DCPS: variants seen among roughly 807,000 people sequenced by gnomAD.
DCPS encodes the protein decapping enzyme, scavenger, also known as m7GpppX diphosphatase.
DCPS carries 27 observed loss-of-function variants against 34.7 expected under a neutral mutation model. That is an observed-to-expected ratio of 0.78 (90% CI 0.57 to 1.07). The LOEUF is 1.07. Among genes scored for constraint, DCPS ranks in the 50% least tolerant of loss-of-function variants. The pLI is 0.00. For synonymous variants in DCPS, 185 were observed against 185.7 expected, an observed-to-expected ratio of 1.00 and a Z score of 0.03; for missense variants, 464 against 436.9, an observed-to-expected ratio of 1.06 and a Z score of -0.55.
rs1217818665 is a variant in DCPS, at chr11:126,337,627, A to T, written c.523-659A>T. The T allele has an allele frequency of 6.5e-6, 1 of 152,998 alleles. No homozygotes were observed. Among genetic ancestry groups the T allele is most frequent in the South Asian group, 2.1e-4 (1 of 4,874 alleles). 9.5% of individuals were successfully genotyped at this position (152,998 alleles called of 1,614,324 possible). A position where few individuals can be genotyped will look rare whatever the true frequency, so the allele number is the denominator to read the frequency against. ...GAGGTCACTGTCTCTGTGTCTCTAC[A>T]TAGCTTTCGTTTCTGCTTTGCCATG... On this transcript the variant is annotated intron_variant, in intron 3 of 5. Transcript: ENST00000263579. The surrounding 1 kb of genome is among the most constrained non-coding windows in gnomAD (Gnocchi z 5.3).
Position 126,323,538 on chromosome 11 carries a change from T to C in DCPS, c.377-7867T>C, listed in dbSNP as rs1360176492. 8.6e-6 allele frequency among the ~76,000 whole-genome samples: 1 copy of C among 116,068 alleles called. No homozygotes were observed. The highest frequency in any genetic ancestry group is 1.1e-4 in the Admixed American group (1 of 9,508). The allele number at this position is 116,068 out of a possible 152,430, so 76.1% of individuals were successfully genotyped here. ...ATGTATTAAAGTTGCATTTCTTTCT[T>C]TTCTTTTTTTTTTTTGAGACAGGGT... On this transcript the variant is annotated intron_variant, in intron 2 of 5. Coordinates refer to ENST00000263579, the MANE Select transcript of DCPS (RefSeq NM_014026.6). This position sits in a 1 kb window ranked among gnomAD's most constrained non-coding sequence, Gnocchi z 4.4.
In DCPS at chr11:126,327,090, T is replaced by C. The variant is rs1454106031; in HGVS notation, c.377-4315T>C. Among the ~76,000 whole-genome samples, 1 of 152,216 alleles carries C rather than the reference T, an allele frequency of 6.6e-6. No homozygotes were observed. The highest frequency in any genetic ancestry group is 2.4e-5 in the African/African-American group (1 of 41,460). On this transcript the variant is annotated intron_variant, in intron 2 of 5. Transcript: ENST00000263579. This position sits in a 1 kb window ranked among gnomAD's most constrained non-coding sequence, Gnocchi z 4.1. ...CCATTCGTATGAGACTTCTGTGACA[T>C]ACAGTCCATAGTTAAGTTGTGCCAG...
At position 126,304,224 on chromosome 11, in the gene DCPS, AC is replaced by A. The variant is rs1338928025; in HGVS notation, c.145del (p.Leu49CysfsTer5). 17 of 1,614,114 alleles carry A rather than the reference AC, an allele frequency of 1.1e-5. No individual in the cohort carries two copies. The highest frequency in any genetic ancestry group is 1.4e-5 in the Non-Finnish European group (17 of 1,180,046). On this transcript the variant is annotated frameshift_variant, in exon 1 of 6. Transcript: ENST00000263579. LOFTEE classifies it high-confidence loss of function. ...PVRLPFSGFR[L>X]QKVLRESARD... ...TCCGCTTACCGTTCTCCGGCTTCAG[AC>A]TGCAGAAGGTGCTGAGGGAGTCTGC...
Position 126,306,584 on chromosome 11 carries a change from T to G in DCPS, c.216T>G (p.Ser72=), listed in dbSNP as rs1209289364. The part of the protein sequence containing the change: ...IFLHGKVNEA[S]GDGDGEDAVV... ...TCTGCCCACAGGTGAATGAGGCCTC[T>G]GGGGATGGGGATGGAGAGGATGCCG... Residue 72 remains serine (S), a synonymous_variant, in exon 2 of 6, where the codon TCT becomes TCG. Coordinates refer to ENST00000263579, the MANE Select transcript of DCPS (RefSeq NM_014026.6). 1 of 1,605,180 alleles carries G rather than the reference T, an allele frequency of 6.2e-7. No individual in the cohort carries two copies. Among genetic ancestry groups the G allele is most frequent in the Non-Finnish European group, 8.5e-7 (1 of 1,173,852 alleles).
chr11:126,338,935 C>T lies in DCPS; in HGVS notation c.636+536C>T, dbSNP rs375887394. 6.6e-6 allele frequency among the ~76,000 whole-genome samples: 1 copy of T among 152,238 alleles called. No individual in the cohort carries two copies. The highest frequency in any genetic ancestry group is 1.9e-4 in the East Asian group (1 of 5,198). On this transcript the variant is annotated intron_variant, in intron 4 of 5. Coordinates refer to ENST00000263579, the MANE Select transcript of DCPS (RefSeq NM_014026.6). This position sits in a 1 kb window ranked among gnomAD's most constrained non-coding sequence, Gnocchi z 5.4. ...CCTCCAAGCACCTCTGCTTCTCCTACTTTCCTAAGGAGCAGGTTTGGGAGG... is the reference window on the plus strand; with the variant it reads ...CCTCCAAGCACCTCTGCTTCTCCTATTTTCCTAAGGAGCAGGTTTGGGAGG...
chr11:126,324,399 G>T (rs1382806890), intron 2 of DCPS, among the ~76,000 whole-genome samples: 2 of 151,532 alleles, frequency 1.3e-5, no homozygotes, highest in Non-Finnish European at 2.9e-5. Flanking sequence ...TAAAGTTTGA[G>T]AATTACTTCT....
chr11:126,309,150 G>A lies in DCPS; in HGVS notation c.376+2406G>A, dbSNP rs565217236. On this transcript the variant is annotated intron_variant, in intron 2 of 5. Coordinates refer to ENST00000263579, the MANE Select transcript of DCPS (RefSeq NM_014026.6). ...AGTGGTTTTCCTGCCTCAGCCTCCC[G>A]AGTAGCTGGGATTTACAGGCACACA... 5.8e-4 allele frequency among the ~76,000 whole-genome samples: 88 copies of A among 151,330 alleles called. 2 individuals carry two copies. In the South Asian group the frequency reaches 9.6e-3, roughly 17 times the overall value.
At position 126,313,318 on chromosome 11, in the gene DCPS, A is replaced by G. The variant is rs576887709; in HGVS notation, c.376+6574A>G. On this transcript the variant is annotated intron_variant, in intron 2 of 5. Coordinates refer to ENST00000263579, the MANE Select transcript of DCPS (RefSeq NM_014026.6). This position sits in a 1 kb window ranked among gnomAD's most constrained non-coding sequence, Gnocchi z 4.9. ...CCGCCCTGTGCTATTTGCAGAGGCA[A>G]AACCCGGACCTCCTGAGGGAGGGGT... 1.3e-5 allele frequency among the ~76,000 whole-genome samples: 2 copies of G among 152,330 alleles called. No homozygotes were observed. Among genetic ancestry groups the G allele is most frequent in the East Asian group, 3.9e-4 (2 of 5,174 alleles).
Position 126,319,492 on chromosome 11 carries a change from G to C in DCPS, c.377-11913G>C, listed in dbSNP as rs1393965392. On this transcript the variant is annotated intron_variant, in intron 2 of 5. Transcript: ENST00000263579. The surrounding 1 kb of genome is among the most constrained non-coding windows in gnomAD (Gnocchi z 4.5). ...AAGGCTGTCCTCACACGGCTCTCCA[G>C]AGCTCAGGGGAGTGGACTCTCCTTC... 6.6e-6 allele frequency among the ~76,000 whole-genome samples: 1 copy of C among 152,064 alleles called. No homozygotes were observed. Among genetic ancestry groups the C allele is most frequent in the Non-Finnish European group, 1.5e-5 (1 of 68,016 alleles).
rs529239830 is a variant in DCPS, at chr11:126,334,174, T to A, written c.522+2624T>A. Reference sequence around the variant, plus strand: ...AGAGGGGAGGGAAGAGGTTGGGTGATGAGTGGATAGAAGGATAATTCATGA... The same window carrying A: ...AGAGGGGAGGGAAGAGGTTGGGTGAAGAGTGGATAGAAGGATAATTCATGA... On this transcript the variant is annotated intron_variant, in intron 3 of 5. Coordinates refer to ENST00000263579, the MANE Select transcript of DCPS (RefSeq NM_014026.6). The surrounding 1 kb of genome is among the most constrained non-coding windows in gnomAD (Gnocchi z 5.5). 6.6e-6 allele frequency among the ~76,000 whole-genome samples: 1 copy of A among 152,116 alleles called. No individual in the cohort carries two copies. The highest frequency in any genetic ancestry group is 2.1e-4 in the South Asian group (1 of 4,812).
intron 2 of DCPS, among the ~76,000 whole-genome samples, chr11:126,318,610 G>T (rs986178977): frequency 2.0e-5 from 3 of 152,356 alleles, no homozygotes; most frequent in Admixed American, 6.5e-5. Flanking sequence ...GGCTGGCTCT[G>T]CCTGGCTCTT....
chr11:126,330,067 A>G (rs1242448361), intron 2 of DCPS, among the ~76,000 whole-genome samples: 2 of 152,188 alleles, frequency 1.3e-5, no homozygotes, highest in African/African-American at 2.4e-5. Context: ...AAAATAAAGG[A>G]AAGGACTTAA....
rs1398284320 is a variant in DCPS at position 126,336,139 on chromosome 11, G to C, written c.523-2147G>C. Among the ~76,000 whole-genome samples the C allele has an allele frequency of 6.8e-6, 1 of 148,008 alleles. No homozygotes were observed. The highest frequency in any genetic ancestry group is 6.8e-5 in the Admixed American group (1 of 14,726). On this transcript the variant is annotated intron_variant, in intron 3 of 5. Transcript: ENST00000263579. The surrounding 1 kb of genome is among the most constrained non-coding windows in gnomAD (Gnocchi z 6.3). ...TCAAAAAAAAAAAAAAAAAAATGGC[G>C]ACAATGATAGCAGCCACCTCTCAGG...
rs1322424038 is a variant in DCPS, at chr11:126,325,133, G to C, written c.377-6272G>C. Among the ~76,000 whole-genome samples the C allele has an allele frequency of 6.6e-6, 1 of 152,142 alleles. No homozygotes were observed. Among genetic ancestry groups the C allele is most frequent in the Non-Finnish European group, 1.5e-5 (1 of 68,030 alleles). ...ACCCAGGAGGTGGAGGTTGCAGTGA[G>C]CCAAGATCGTGCCATTGCACTCCAG... On this transcript the variant is annotated intron_variant, in intron 2 of 5. Coordinates refer to ENST00000263579, the MANE Select transcript of DCPS (RefSeq NM_014026.6). This position sits in a 1 kb window ranked among gnomAD's most constrained non-coding sequence, Gnocchi z 4.3.
In DCPS at chr11:126,334,398, C is replaced by T. The variant is rs240550; in HGVS notation, c.522+2848C>T. 5.9e-5 allele frequency among the ~76,000 whole-genome samples: 9 copies of T among 152,052 alleles called. No homozygotes were observed. In the South Asian group the frequency reaches 1.9e-3, roughly 32 times the overall value. On this transcript the variant is annotated intron_variant, in intron 3 of 5. Transcript: ENST00000263579. The surrounding 1 kb of genome is among the most constrained non-coding windows in gnomAD (Gnocchi z 5.5). ...CACTCTTGTTGCCCAAGCTGGAGTG[C>T]AATGGTGTGATCTCGGCTCACTGCA...
At position 126,349,534 on chromosome 11, in the gene DCPS, A is replaced by G. The variant is rs73632727; in HGVS notation, c.*3921A>G. ...CTCTATTTACCAACATGAAACAGAA[A>G]AATACCATCTCAGGCTCCATATTCC... On this transcript the variant is annotated 3_prime_UTR_variant, in exon 6 of 6. Transcript: ENST00000263579. The surrounding 1 kb of genome is among the most constrained non-coding windows in gnomAD (Gnocchi z 5.4). Among the ~76,000 whole-genome samples the G allele has an allele frequency of 0.01, 1,561 of 152,328 alleles. 36 individuals carry two copies. Among genetic ancestry groups the G allele is most frequent in the African/African-American group, 0.035 (1,475 of 41,558 alleles).
chr11:126,343,153 A>G (rs542536269), intron 4 of DCPS, among the ~76,000 whole-genome samples, 154 bp from the exon 5 acceptor site: 2 of 150,898 alleles, frequency 1.3e-5, no homozygotes, highest in Non-Finnish European at 2.9e-5. Context: ...AGACCATCCC[A>G]CACGCCCGGG....
chr11:126,314,472 G>A (rs1221762184), intron 2 of DCPS, among the ~76,000 whole-genome samples: 5 of 151,374 alleles, frequency 3.3e-5, no homozygotes, highest in South Asian at 2.1e-4. Context: ...CATTTGATCC[G>A]GCAATCCCAC....
chr11:126,313,766 A>G lies in DCPS; in HGVS notation c.376+7022A>G, dbSNP rs1951636145. Among the ~76,000 whole-genome samples, 1 of 152,148 alleles carries G rather than the reference A, an allele frequency of 6.6e-6. No homozygotes were observed. The highest frequency in any genetic ancestry group is 2.4e-5 in the African/African-American group (1 of 41,442). The stretch of plus-strand genomic sequence containing the variant: ...AGAGAGAATGTTAAAATTTCTGGTT[A>G]TATTCTGTTTCTTGGATTGTGTGTT... On this transcript the variant is annotated intron_variant, in intron 2 of 5. Transcript: ENST00000263579. The surrounding 1 kb of genome is among the most constrained non-coding windows in gnomAD (Gnocchi z 4.9).
Sources: allele counts gnomAD v4.1 joint callset (sites outside exome capture counted in the v4.1 genomes callset), GRCh38; gene constraint gnomAD v4.1.1; non-coding constraint Gnocchi (gnomAD v3.1); transcripts MANE v1.5; gene names NCBI Gene and HGNC (gene_info 2026-07-23, HGNC 2026-07-21).